The following ADAM8 variants were observed in gnomAD, a reference collection of about 807,000 sequenced individuals.
The protein encoded by ADAM8 is disintegrin and metalloproteinase domain-containing protein 8.
ADAM8 carries 104 observed loss-of-function variants against 102.4 expected under a neutral mutation model. The observed-to-expected ratio is 1.02, with a 90% CI of 0.87 to 1.20. The LOEUF is 1.20. ADAM8 is among the 50% of genes most tolerant of loss of function. The pLI is 0.00. For synonymous variants in ADAM8, 517 were observed against 485.2 expected (o/e 1.07, Z -0.86); for missense variants, 1,132 against 1,159.0 (o/e 0.98, Z 0.34).
chr10:133,274,013 C>T lies in ADAM8; in HGVS notation c.244G>A (p.Gly82Ser), dbSNP rs372220515. 493 of 1,607,580 alleles carry T rather than the reference C, an allele frequency of 3.1e-4. No homozygotes were observed. The highest frequency in any genetic ancestry group is 4.1e-4 in the Non-Finnish European group (481 of 1,178,450). Residue 82 changes from glycine to serine, a missense_variant, in exon 4 of 23, where the codon GGC becomes AGC. Transcript: ENST00000445355. The stretch of plus-strand genomic sequence containing the variant: ...GCAGCCGTATAGGTCTCTGTGTAGC[C>T]GGAGCCCAGCAGGTCCCTGGAAAAG... ...LRKNRDLLGS[G>S]YTETYTAANG...
chr10:133,267,130 A>G lies in ADAM8; in HGVS notation c.2319+222T>C, dbSNP rs116133323. Reference sequence around the variant, plus strand: ...GAAGGAGAAGGAGCCAGGACCCCCAAACCAGCTCCAACGCAGGGCAGGACT... The same window carrying G: ...GAAGGAGAAGGAGCCAGGACCCCCAGACCAGCTCCAACGCAGGGCAGGACT... On this transcript the variant is annotated intron_variant, in intron 21 of 22. Transcript: ENST00000445355. 2.6e-3 allele frequency among the ~76,000 whole-genome samples: 391 copies of G among 152,138 alleles called. 1 individual carries two copies. Among genetic ancestry groups the G allele is most frequent in the African/African-American group, 8.8e-3 (364 of 41,498 alleles).
chr10:133,266,015 T>C (rs1455018207), intron 21 of ADAM8, among the ~76,000 whole-genome samples: 1 of 152,134 alleles, frequency 6.6e-6, no homozygotes, highest in African/African-American at 2.4e-5. Context: ...TGTGTCAACA[T>C]CCCCCGTGAC....
chr10:133,265,705 G>A (rs1846305149), intron 21 of ADAM8, among the ~76,000 whole-genome samples: 1 of 152,108 alleles, frequency 6.6e-6, no homozygotes, highest in African/African-American at 2.4e-5. Context: ...GGCTGAGGCA[G>A]GAGAATGGCA....
In ADAM8 at chr10:133,271,547, C is replaced by A. The variant is rs751783564; in HGVS notation, c.1265G>T (p.Cys422Phe). 6.4e-7 allele frequency: 1 copy of A among 1,557,550 alleles called. No homozygotes were observed. The change falls in exon 12 of 23, where the codon TGC becomes TTC. Residue 422 changes from cysteine to phenylalanine, a missense_variant. Transcript: ENST00000445355. The stretch of plus-strand genomic sequence containing the variant: ...ACGCACCTCGGGGGGGCCGCAGTCG[C>A]ACTGCTCCCCACGCTCCACAAACAG... ...GNLFVERGEQ[C>F]DCGPPEDCRN...
intron 8 of ADAM8, 67 bp downstream of exon 8, chr10:133,272,731 T>C: frequency 6.7e-7 from 1 of 1,484,508 alleles, no homozygotes; most frequent in Non-Finnish European, 9.0e-7. Flanking sequence ...GAATGAACCC[T>C]GTGGCAACAC....
intron 2 of ADAM8, 127 bp from the exon 3 acceptor site, chr10:133,274,362 A>C: frequency 3.2e-6 from 2 of 622,588 alleles, no homozygotes; most frequent in Non-Finnish European, 4.8e-6. Context: ...TCAAGGCTCC[A>C]TCCTGGAGGG....
intron 2 of ADAM8, 77 bp from the exon 3 acceptor site, chr10:133,274,312 C>T: frequency 7.2e-7 from 1 of 1,383,822 alleles, no homozygotes; most frequent in Non-Finnish European, 9.6e-7. Flanking sequence ...GCCAGAGAAG[C>T]TCAGCTGGGG....
Position 133,274,098 on chromosome 10 carries a change from C to T in ADAM8, c.227+61G>A, listed in dbSNP as rs1564927756. 27 of 1,586,510 alleles carry T rather than the reference C, an allele frequency of 1.7e-5. No homozygotes were observed. In the Middle Eastern group the frequency reaches 6.7e-4, roughly 40 times the overall value. On this transcript the variant is annotated intron_variant, in intron 3 of 22. Transcript: ENST00000445355. ...AGAGGCTGGCCCAGAGGCTGGACGCCGGGGACACCAGTGTGCTGGAGCCAG... is the reference window on the plus strand; with the variant it reads ...AGAGGCTGGCCCAGAGGCTGGACGCTGGGGACACCAGTGTGCTGGAGCCAG...
At chr10:133,266,944 T>G (rs560075796) in intron 21 of ADAM8, among the ~76,000 whole-genome samples, 1 of 151,468 alleles carries the variant, frequency 6.6e-6, no homozygotes, top group Non-Finnish European at 1.5e-5. Context: ...TTTTGAGAGA[T>G]CTTTCCAAAA....
At position 133,274,916 on chromosome 10, in the gene ADAM8, A is replaced by G. The variant is rs185419266; in HGVS notation, c.150+568T>C. The G allele has an allele frequency of 1.3e-3, 571 of 429,750 alleles. 3 individuals are homozygous for G. Among genetic ancestry groups the G allele is most frequent in the African/African-American group, 0.011 (525 of 49,200 alleles). The allele number at this position is 429,750 out of a possible 1,614,324, so 26.6% of individuals were successfully genotyped here. A position where few individuals can be genotyped will look rare whatever the true frequency, so the allele number is the denominator to read the frequency against. ...GCTGTGCCACCGGCTGGATGAGCCC[A>G]GGGCAGCGGGCAGGTCGGTAGTAGG... On this transcript the variant is annotated intron_variant, in intron 2 of 22. Coordinates refer to ENST00000445355, the MANE Select transcript of ADAM8 (RefSeq NM_001109.5).
Position 133,272,592 on chromosome 10 carries a change from A to G in ADAM8, c.706-7T>C, listed in dbSNP as rs761941492. 2 of 1,602,742 alleles carry G rather than the reference A, an allele frequency of 1.2e-6. No individual in the cohort carries two copies. Among genetic ancestry groups the G allele is most frequent in the Non-Finnish European group, 1.7e-6 (2 of 1,174,298 alleles). On this transcript the variant is annotated splice_polypyrimidine_tract_variant and splice_region_variant and intron_variant, in intron 8 of 22. Coordinates refer to ENST00000445355, the MANE Select transcript of ADAM8 (RefSeq NM_001109.5). Reference sequence around the variant, plus strand: ...AGTTGAGTTTCTGATATAGCTGGAGAGGTGGTGGAGTCCTGGGGGTCAGGC... The same window carrying G: ...AGTTGAGTTTCTGATATAGCTGGAGGGGTGGTGGAGTCCTGGGGGTCAGGC...
At chr10:133,273,115 TGCTGGGG>T (rs1846610782) in intron 6 of ADAM8, 96 bp from the exon 7 acceptor site, 1 of 1,595,798 alleles carries the variant, frequency 6.3e-7, no homozygotes, top group African/African-American at 1.3e-5. Context: ...CCCTGTCCAG[TGCTGGGG>T]GAGCGTGGCC....
At position 133,267,368 on chromosome 10, in the gene ADAM8, CG is replaced by C. The variant is rs761255645; in HGVS notation, c.2302del (p.Arg768GlyfsTer41). 22 of 1,609,632 alleles carry C rather than the reference CG, an allele frequency of 1.4e-5. No individual in the cohort carries two copies. The highest frequency in any genetic ancestry group is 1.8e-5 in the Non-Finnish European group (21 of 1,178,838). ...ACTGCTCACCTGCTTTGGTGCCTGC[CG>C]GGTGTAGACAGGAACTGGGAAGGGT... The part of the protein sequence containing the change: ...SPPFPVPVYT[R>X]QAPKQVIKPT... On this transcript the variant is annotated frameshift_variant, in exon 21 of 23. Transcript: ENST00000445355. LOFTEE classifies it high-confidence loss of function.
intron 21 of ADAM8, among the ~76,000 whole-genome samples, chr10:133,265,469 A>G (rs946810166): frequency 6.6e-6 from 1 of 152,202 alleles, no homozygotes; most frequent in African/African-American, 2.4e-5. Context: ...GTTCAAATAA[A>G]AAGTTAAAAA....
intron 21 of ADAM8, among the ~76,000 whole-genome samples, chr10:133,264,243 T>C (rs1846255018): frequency 1.3e-5 from 2 of 151,864 alleles, no homozygotes. Flanking sequence ...TTATTTTTTG[T>C]AGAGACGGGG....
At position 133,272,397 on chromosome 10, in the gene ADAM8, G is replaced by T; in HGVS notation, c.875+19C>A. 1.3e-6 allele frequency: 1 copy of T among 770,418 alleles called. No individual in the cohort carries two copies. Among genetic ancestry groups the T allele is most frequent in the Non-Finnish European group, 1.8e-6 (1 of 561,862 alleles). 47.7% of individuals were successfully genotyped at this position (770,418 alleles called of 1,614,324 possible). A position where few individuals can be genotyped will look rare whatever the true frequency, so the allele number is the denominator to read the frequency against. On this transcript the variant is annotated intron_variant, in intron 9 of 22. Coordinates refer to ENST00000445355, the MANE Select transcript of ADAM8 (RefSeq NM_001109.5). The stretch of plus-strand genomic sequence containing the variant: ...CTCCCTCCCCAGCCCTCCCCACCCT[G>T]CCCGCTCCGCCAGCTCACGTGATGA...
chr10:133,276,839 C>G lies in ADAM8; in HGVS notation c.-22G>C. 6.6e-7 allele frequency: 1 copy of G among 1,517,766 alleles called. No individual in the cohort carries two copies. The allele number at this position is 1,517,766 out of a possible 1,614,324, so 94.0% of individuals were successfully genotyped here. A position where few individuals can be genotyped will look rare whatever the true frequency, so the allele number is the denominator to read the frequency against. On this transcript the variant is annotated 5_prime_UTR_variant, in exon 1 of 23. Transcript: ENST00000445355. Reference sequence around the variant, plus strand: ...GCATGGCCGGGTCGGGGAGCAGAGGCGGAGGTGACAGCCCCGCGGGACACG... The same window carrying G: ...GCATGGCCGGGTCGGGGAGCAGAGGGGGAGGTGACAGCCCCGCGGGACACG...
Position 133,270,501 on chromosome 10 carries a change from C to T in ADAM8, c.1644G>A (p.Met548Ile). 6.3e-7 allele frequency: 1 copy of T among 1,589,798 alleles called. No individual in the cohort carries two copies. Among genetic ancestry groups the T allele is most frequent in the South Asian group, 1.1e-5 (1 of 90,200 alleles). The change falls in exon 16 of 23, where the codon ATG (methionine) becomes ATA (isoleucine). Residue 548 changes from methionine to isoleucine, a missense_variant. Physicochemically the swap from Met to Ile is conservative, Grantham distance 10 (BLOSUM62 1). Coordinates refer to ENST00000445355, the MANE Select transcript of ADAM8 (RefSeq NM_001109.5). ...GCKASRYRAD[M>I]CGVLQCKGGQ... ...CACCCTTGCACTGCAGAACGCCACA[C>T]ATGTCAGCCCTGTGGATGGACGGCA...
chr10:133,276,748 G>A, intron 1 of ADAM8, 24 bp downstream of exon 1: 3 of 1,532,780 alleles, frequency 2.0e-6, no homozygotes, highest in Non-Finnish European at 2.6e-6. Context: ...GCTGCGCCCG[G>A]GACGGTTCCC....
Sources: allele counts gnomAD v4.1 joint callset (sites outside exome capture counted in the v4.1 genomes callset), GRCh38; gene constraint gnomAD v4.1.1; transcripts MANE v1.5; gene names NCBI Gene and HGNC (gene_info 2026-07-23, HGNC 2026-07-21).